Variants in ACAN observed in about 807,000 individuals in gnomAD.
ACAN encodes the protein aggrecan core protein.
ACAN carries 47 observed loss-of-function variants against 169.1 expected under a neutral mutation model. The observed-to-expected ratio is 0.28, with a 90% CI of 0.22 to 0.35. The LOEUF is 0.35. Among genes scored for constraint, ACAN ranks in the 10% least tolerant of loss-of-function variants. ACAN has a pLI of 1.00. For missense variants in ACAN, 2,716 were observed against 2,759.9 expected (o/e 0.98, Z 0.36); for synonymous variants, 1,115 against 1,112.2 (o/e 1.00, Z -0.05).
chr15:88,861,001 A>G lies in ACAN; in HGVS notation c.6946+562A>G, dbSNP rs1897183168. Among the ~76,000 whole-genome samples, 1 of 152,176 alleles carries G rather than the reference A, an allele frequency of 6.6e-6. No homozygotes were observed. The highest frequency in any genetic ancestry group is 1.5e-5 in the Non-Finnish European group (1 of 68,022). On this transcript the variant is annotated intron_variant, in intron 13 of 18. Coordinates refer to ENST00000560601, the MANE Select transcript of ACAN (RefSeq NM_001369268.1). The surrounding 1 kb of genome is among the most constrained non-coding windows in gnomAD (Gnocchi z 6.3). ...CAGCACGTCTGCCCAGGCACCCACC[A>G]TGAGCCTGTTTGTCCTTAGCTATGG...
Position 88,869,364 on chromosome 15 carries a change from T to C in ACAN, c.7060+1035T>C, listed in dbSNP as rs1897331732. ...TCCTAAGCAGTGTGAGGAGGTAGTTTTGGGTTTCATATTCCTTTGAGGCAC... is the reference window on the plus strand; with the variant it reads ...TCCTAAGCAGTGTGAGGAGGTAGTTCTGGGTTTCATATTCCTTTGAGGCAC... On this transcript the variant is annotated intron_variant, in intron 14 of 18. Transcript: ENST00000560601. This position sits in a 1 kb window ranked among gnomAD's most constrained non-coding sequence, Gnocchi z 4.2. Among the ~76,000 whole-genome samples, 1 of 152,112 alleles carries C rather than the reference T, an allele frequency of 6.6e-6. No homozygotes were observed.
Position 88,854,928 on chromosome 15 carries a change from C to T in ACAN, c.2343C>T (p.Pro781=). 5.0e-6 allele frequency: 8 copies of T among 1,591,012 alleles called. No homozygotes were observed. The highest frequency in any genetic ancestry group is 6.8e-6 in the Non-Finnish European group (8 of 1,170,136). The part of the protein sequence containing the change: ...STEGPSATEV[P]SASEEPSPSE... ...AAGGCCCTTCTGCAACTGAAGTGCC[C>T]TCTGCCTCAGAGGAACCATCCCCCT... is the stretch of plus-strand genomic sequence containing the variant. The change falls in exon 12 of 19, where the codon CCC becomes CCT. Residue 781 remains proline (P), a synonymous_variant. Transcript: ENST00000560601.
At chr15:88,813,655 G>T (rs1398473760) in intron 1 of ACAN, among the ~76,000 whole-genome samples, 1 of 152,208 alleles carries the variant, frequency 6.6e-6, no homozygotes, top group East Asian at 1.9e-4. Context: ...CCCAGCATGT[G>T]CCAGGGCCAT....
chr15:88,839,832 G>A lies in ACAN; in HGVS notation c.455-180G>A, dbSNP rs1896603294. Reference sequence around the variant, plus strand: ...ATAAAGTAGTGAGCTCCCCATTACAGGGTGTTCCAGCAAATTCAGAAGGAT... The same window carrying A: ...ATAAAGTAGTGAGCTCCCCATTACAAGGTGTTCCAGCAAATTCAGAAGGAT... On this transcript the variant is annotated intron_variant, in intron 3 of 18. Transcript: ENST00000560601. The surrounding 1 kb of genome is among the most constrained non-coding windows in gnomAD (Gnocchi z 4.5). Among the ~76,000 whole-genome samples the A allele has an allele frequency of 6.6e-6, 1 of 152,230 alleles. No individual in the cohort carries two copies. The highest frequency in any genetic ancestry group is 2.4e-5 in the African/African-American group (1 of 41,460).
intron 4 of ACAN, among the ~76,000 whole-genome samples, chr15:88,841,038 G>C (rs534833648): frequency 2.0e-5 from 3 of 152,182 alleles, no homozygotes; most frequent in Admixed American, 6.5e-5. Context: ...CCAGCTACTC[G>C]GGAGGCTGAG....
Position 88,838,765 on chromosome 15 carries a change from A to T in ACAN, c.173A>T (p.His58Leu). Residue 58 changes from histidine to leucine, a missense_variant, in exon 3 of 19, where the codon CAC (histidine) becomes CTC (leucine). His to Leu is a moderately conservative substitution (Grantham distance 99). Coordinates refer to ENST00000560601, the MANE Select transcript of ACAN (RefSeq NM_001369268.1). This position sits in a 1 kb window ranked among gnomAD's most constrained non-coding sequence, Gnocchi z 5.1. ...CCCTGCTATTTCATCGACCCCATGC[A>T]CCCTGTGACCACCGCCCCTTCTACC... Reference protein sequence around the residue: ...TIPCYFIDPMHPVTTAPSTAP... With the variant: ...TIPCYFIDPMLPVTTAPSTAP... The T allele has an allele frequency of 6.2e-7, 1 of 1,613,776 alleles. No homozygotes were observed. The highest frequency in any genetic ancestry group is 8.5e-7 in the Non-Finnish European group (1 of 1,179,806).
At chr15:88,859,457 T>C (rs1897148634) in intron 12 of ACAN, 40 bp downstream of exon 12, 27 of 1,551,444 alleles carry the variant, frequency 1.7e-5, no homozygotes, top group Non-Finnish European at 2.2e-5. Flanking sequence ...GCTTAGGTAG[T>C]TCAGACTGTA....
In ACAN at chr15:88,847,337, C is replaced by G. The variant is rs2141585879; in HGVS notation, c.1524C>G (p.Ala508=). The part of the protein sequence containing the change: ...QACLRTGAVI[A]SPEQLQAAYE... The stretch of plus-strand genomic sequence containing the variant: ...GCCTGCGCACGGGGGCGGTCATTGC[C>G]TCGCCGGAGCAGCTCCAGGCCGCCT... The change falls in exon 8 of 19, where the codon GCC becomes GCG. Residue 508 remains alanine (A), a synonymous_variant. Transcript: ENST00000560601. 3 of 1,583,880 alleles carry G rather than the reference C, an allele frequency of 1.9e-6. No individual in the cohort carries two copies. Among genetic ancestry groups the G allele is most frequent in the East Asian group, 4.6e-5 (2 of 43,252 alleles).
Position 88,851,586 on chromosome 15 carries a change from A to G in ACAN, c.2027-208A>G. The G allele has an allele frequency of 3.6e-6, 2 of 550,350 alleles. No individual in the cohort carries two copies. Among genetic ancestry groups the G allele is most frequent in the Non-Finnish European group, 6.3e-6 (2 of 317,294 alleles). The allele number at this position is 550,350 out of a possible 1,614,324, so 34.1% of individuals were successfully genotyped here. A position where few individuals can be genotyped will look rare whatever the true frequency, so the allele number is the denominator to read the frequency against. On this transcript the variant is annotated intron_variant, in intron 10 of 18. Transcript: ENST00000560601. The surrounding 1 kb of genome is among the most constrained non-coding windows in gnomAD (Gnocchi z 4.3). ...TTCTGCAGGGGAGATGCCCCAGATC[A>G]CTGGAACTAAAGTGCTGATGGTGCA...
At chr15:88,823,145 A>G (rs1233017497) in intron 1 of ACAN, among the ~76,000 whole-genome samples, 4 of 152,172 alleles carry the variant, frequency 2.6e-5, no homozygotes, top group Non-Finnish European at 4.4e-5. Context: ...GCCCCTTCTC[A>G]TAGAGGAAAG....
In ACAN at chr15:88,869,909, C is replaced by A. The variant is rs1289470448; in HGVS notation, c.7061-1473C>A. On this transcript the variant is annotated intron_variant, in intron 14 of 18. Coordinates refer to ENST00000560601, the MANE Select transcript of ACAN (RefSeq NM_001369268.1). This position sits in a 1 kb window ranked among gnomAD's most constrained non-coding sequence, Gnocchi z 4.2. ...GCACAGCCCTGCCCTCCCATACCCA[C>A]CTCCCAGAGAAGTTGCACCCTCCAG... Among the ~76,000 whole-genome samples the A allele has an allele frequency of 6.6e-6, 1 of 152,114 alleles. No individual in the cohort carries two copies. Among genetic ancestry groups the A allele is most frequent in the Admixed American group, 6.5e-5 (1 of 15,274 alleles).
rs962603941 is a variant in ACAN at position 88,809,696 on chromosome 15, C to G, written c.-8+5887C>G. Among the ~76,000 whole-genome samples, 25 of 152,218 alleles carry G rather than the reference C, an allele frequency of 1.6e-4. 1 individual carries two copies. The highest frequency in any genetic ancestry group is 5.8e-4 in the African/African-American group (24 of 41,458). On this transcript the variant is annotated intron_variant, in intron 1 of 18. Transcript: ENST00000560601. Reference sequence around the variant, plus strand: ...CAGAACGTGCTGCATCAGGTTGCAGCACCGGGCAGCTGCATCCTCCAGAGA... The same window carrying G: ...CAGAACGTGCTGCATCAGGTTGCAGGACCGGGCAGCTGCATCCTCCAGAGA...
chr15:88,844,919 T>A (rs898148751), intron 6 of ACAN, among the ~76,000 whole-genome samples: 1 of 152,200 alleles, frequency 6.6e-6, no homozygotes, highest in Non-Finnish European at 1.5e-5. Context: ...CAACCTGATC[T>A]TACAGGAAGA....
chr15:88,805,020 T>A (rs1416127849), intron 1 of ACAN, among the ~76,000 whole-genome samples: 3 of 152,152 alleles, frequency 2.0e-5, no homozygotes, highest in African/African-American at 7.2e-5. Context: ...AAAGGTGCAA[T>A]GAATTTCTGA....
At position 88,855,333 on chromosome 15, in the gene ACAN, T is replaced by C. The variant is rs775956303; in HGVS notation, c.2748T>C (p.Ser916=). 4.3e-6 allele frequency: 7 copies of C among 1,612,320 alleles called. No individual in the cohort carries two copies. The African/African-American group carries it at 6.7e-5, about 15-fold the overall frequency. Residue 916 remains serine (S), a synonymous_variant, in exon 12 of 19, where the codon AGT becomes AGC. Transcript: ENST00000560601. The part of the protein sequence containing the change: ...STVGSGLPVE[S]GLPSGDEERI... ...TGGGCTCAGGCCTGCCTGTGGAAAGTGGACTACCCTCAGGGGATGAAGAGA... is the reference window on the plus strand; with the variant it reads ...TGGGCTCAGGCCTGCCTGTGGAAAGCGGACTACCCTCAGGGGATGAAGAGA...
chr15:88,841,752 C>T lies in ACAN; in HGVS notation c.642C>T (p.His214=), dbSNP rs759517649. The T allele has an allele frequency of 1.2e-6, 2 of 1,613,884 alleles. No homozygotes were observed. The highest frequency in any genetic ancestry group is 1.7e-6 in the Non-Finnish European group (2 of 1,179,848). The change falls in exon 5 of 19, where the codon CAC becomes CAT. Residue 214 remains histidine, a synonymous_variant. Coordinates refer to ENST00000560601, the MANE Select transcript of ACAN (RefSeq NM_001369268.1). ...LADQTVRYPI[H]TPREGCYGDK... The stretch of plus-strand genomic sequence containing the variant: ...GGGTTCCTGGCAGATACCCCATCCA[C>T]ACTCCCCGGGAAGGCTGCTATGGAG...
chr15:88,822,678 C>T (rs1368762202), intron 1 of ACAN, among the ~76,000 whole-genome samples: 1 of 152,158 alleles, frequency 6.6e-6, no homozygotes, highest in Non-Finnish European at 1.5e-5. Flanking sequence ...AGGTGATCTG[C>T]CCGCCTCAGC....
In ACAN at chr15:88,869,306, G is replaced by A. The variant is rs1255972808; in HGVS notation, c.7060+977G>A. Among the ~76,000 whole-genome samples, 4 of 152,220 alleles carry A rather than the reference G, an allele frequency of 2.6e-5. No individual in the cohort carries two copies. The highest frequency in any genetic ancestry group is 6.5e-5 in the Admixed American group (1 of 15,284). The stretch of plus-strand genomic sequence containing the variant: ...GTTGGATACCCAGAAACTTCCAGAA[G>A]GCAGGTGAAACTCCTGGGAAGTCTC... On this transcript the variant is annotated intron_variant, in intron 14 of 18. Transcript: ENST00000560601. This position sits in a 1 kb window ranked among gnomAD's most constrained non-coding sequence, Gnocchi z 4.2.
chr15:88,847,993 T>C lies in ACAN; in HGVS notation c.1687T>C (p.Ser563Pro), dbSNP rs551134605. The C allele has an allele frequency of 3.7e-6, 6 of 1,613,912 alleles. No individual in the cohort carries two copies. In the African/African-American group the frequency reaches 5.3e-5, roughly 14 times the overall value. ...GGTCAGGACCTATGGCGTGCGCCCATCAACAGAGACCTACGATGTCTACTG... is the reference window on the plus strand; with the variant it reads ...GGTCAGGACCTATGGCGTGCGCCCACCAACAGAGACCTACGATGTCTACTG... Reference protein sequence around the residue: ...PGVRTYGVRPSTETYDVYCFV... With the variant: ...PGVRTYGVRPPTETYDVYCFV... Residue 563 changes from serine (S) to proline (P), a missense_variant, in exon 9 of 19, where the codon TCA (serine) becomes CCA (proline). Around this residue, in one of 3 missense-constraint regions of ACAN, gnomAD observed 1,283 missense variants for 1,281.5 expected, o/e 1.00. Transcript: ENST00000560601.
Sources: gnomAD v4.1 joint callset for allele counts (sites outside exome capture counted in the v4.1 genomes callset) on GRCh38, gnomAD v4.1.1 for gene constraint, gnomAD v4.1.1 regional missense constraint, Gnocchi (gnomAD v3.1) non-coding constraint, MANE v1.5 for transcripts, NCBI Gene and HGNC (gene_info 2026-07-23, HGNC 2026-07-21) for gene names.